Variants in CDH6 observed in about 807,000 individuals in gnomAD.
CDH6 encodes the protein cadherin-6.
CDH6 carries 31 observed loss-of-function variants against 78.0 expected under a neutral mutation model. That is an observed-to-expected ratio of 0.40 (90% CI 0.30 to 0.54). CDH6 has a LOEUF of 0.54. Among genes scored for constraint, CDH6 ranks in the 20% least tolerant of loss-of-function variants. The pLI, the probability that CDH6 is intolerant of heterozygous loss-of-function variation, is 0.56. For missense variants in CDH6, 724 were observed against 975.9 expected, an observed-to-expected ratio of 0.74 and a Z score of 3.44; for synonymous variants, 376 against 368.8, an observed-to-expected ratio of 1.02 and a Z score of -0.23.
chr5:31,196,818 A>G (rs890652888), intron 1 of CDH6, among the ~76,000 whole-genome samples: 2 of 152,212 alleles, frequency 1.3e-5, no homozygotes, highest in African/African-American at 4.8e-5. Flanking sequence ...CAATTAATAA[A>G]GAATTTACCA....
chr5:31,287,951 A>G (rs1046055114), intron 2 of CDH6, among the ~76,000 whole-genome samples: 1 of 152,170 alleles, frequency 6.6e-6, no homozygotes. Context: ...TTCCTCTTTC[A>G]CATTACAGGC....
intron 2 of CDH6, among the ~76,000 whole-genome samples, chr5:31,268,651 A>G (rs1283403548): frequency 1.3e-5 from 2 of 152,332 alleles, no homozygotes; most frequent in South Asian, 2.1e-4. Flanking sequence ...AAAAAGATAC[A>G]TGAGAAAATG....
At chr5:31,213,433 A>G (rs1740773168) in intron 1 of CDH6, among the ~76,000 whole-genome samples, 1 of 152,142 alleles carries the variant, frequency 6.6e-6, no homozygotes, top group South Asian at 2.1e-4. Context: ...GGTGCTCCTT[A>G]GCTGTTGGGT....
chr5:31,288,156 T>C (rs951322100), intron 2 of CDH6, among the ~76,000 whole-genome samples: 1 of 152,128 alleles, frequency 6.6e-6, no homozygotes, highest in African/African-American at 2.4e-5. Flanking sequence ...GTTGCACCCT[T>C]TACATTCACA....
intron 1 of CDH6, among the ~76,000 whole-genome samples, chr5:31,206,913 T>C (rs1037603508): frequency 2.0e-5 from 3 of 152,094 alleles, no homozygotes; most frequent in Non-Finnish European, 4.4e-5. Flanking sequence ...CTTAACATGG[T>C]TTTATATTTT....
chr5:31,204,025 C>A (rs1463582681), intron 1 of CDH6, among the ~76,000 whole-genome samples: 1 of 152,150 alleles, frequency 6.6e-6, no homozygotes, highest in Middle Eastern at 3.2e-3. Flanking sequence ...CCTCCAGATA[C>A]AAAAAGTGCC....
chr5:31,293,955 A>G lies in CDH6; in HGVS notation c.229-7A>G, dbSNP rs1163640054. Reference sequence around the variant, plus strand: ...TTACTTTCTTTAATTTTTTTTTTCTACACTAGTTACATTCAGACCAGGATA... The same window carrying G: ...TTACTTTCTTTAATTTTTTTTTTCTGCACTAGTTACATTCAGACCAGGATA... On this transcript the variant is annotated splice_region_variant and splice_polypyrimidine_tract_variant and intron_variant, in intron 2 of 11. Transcript: ENST00000265071. The G allele has an allele frequency of 6.5e-7, 1 of 1,549,050 alleles. No individual in the cohort carries two copies. Among genetic ancestry groups the G allele is most frequent in the Non-Finnish European group, 8.7e-7 (1 of 1,146,280 alleles).
intron 4 of CDH6, among the ~76,000 whole-genome samples, chr5:31,298,869 C>T (rs1737677922): frequency 6.6e-6 from 1 of 152,102 alleles, no homozygotes; most frequent in South Asian, 2.1e-4. Context: ...TTCCAAAATT[C>T]TCTAGAATCA....
chr5:31,229,062 C>T (rs746524908), intron 1 of CDH6, among the ~76,000 whole-genome samples: 3 of 152,178 alleles, frequency 2.0e-5, no homozygotes, highest in Admixed American at 6.5e-5. Context: ...TCTAATTACC[C>T]GTCATACTAA....
chr5:31,239,720 A>C (rs1741546408), intron 1 of CDH6, among the ~76,000 whole-genome samples: 1 of 152,190 alleles, frequency 6.6e-6, no homozygotes, highest in Non-Finnish European at 1.5e-5. Context: ...AAAGTGAAGA[A>C]TCTGACAAGG....
chr5:31,291,176 A>G (rs1248419495), intron 2 of CDH6, among the ~76,000 whole-genome samples: 1 of 152,168 alleles, frequency 6.6e-6, no homozygotes, highest in Admixed American at 6.5e-5. Context: ...ATATGTAAAG[A>G]TAGCAATTGC....
intron 2 of CDH6, among the ~76,000 whole-genome samples, chr5:31,277,168 A>G (rs1742722812): frequency 6.6e-6 from 1 of 152,230 alleles, no homozygotes; most frequent in Admixed American, 6.5e-5. Context: ...CTATAAGAAA[A>G]ATAATATGCA....
chr5:31,273,647 G>A (rs1300193506), intron 2 of CDH6, among the ~76,000 whole-genome samples: 1 of 152,064 alleles, frequency 6.6e-6, no homozygotes, highest in Admixed American at 6.5e-5. Flanking sequence ...AAAAAAACCC[G>A]GAACATGCGT....
chr5:31,329,102 C>T lies in CDH6; in HGVS notation c.*5794C>T, dbSNP rs974235497. ...GCCTTTTGCAAATCAATTTTTGTAA[C>T]AAGTTATTTATATGATATTACTTAA... On this transcript the variant is annotated 3_prime_UTR_variant, in exon 12 of 12. Coordinates refer to ENST00000265071, the MANE Select transcript of CDH6 (RefSeq NM_004932.4). The T allele has an allele frequency of 2.0e-5, 4 of 196,162 alleles. No homozygotes were observed. Among genetic ancestry groups the T allele is most frequent in the Admixed American group, 6.1e-5 (1 of 16,450 alleles). 12.2% of individuals were successfully genotyped at this position (196,162 alleles called of 1,614,324 possible).
chr5:31,282,994 A>AGGATGGAT (rs546068730), intron 2 of CDH6, among the ~76,000 whole-genome samples: 1 of 152,066 alleles, frequency 6.6e-6, no homozygotes, highest in Non-Finnish European at 1.5e-5. Flanking sequence ...GAAAGATGGA[A>AGGATGGAT]GGATGGATGG....
chr5:31,212,609 G>T (rs1740738568), intron 1 of CDH6, among the ~76,000 whole-genome samples: 1 of 152,178 alleles, frequency 6.6e-6, no homozygotes, highest in Non-Finnish European at 1.5e-5. Context: ...GTAAGAATGG[G>T]AGATGTAAAA....
Position 31,327,453 on chromosome 5 carries a change from T to C in CDH6, c.*4145T>C, listed in dbSNP as rs1047312543. The C allele has an allele frequency of 5.2e-6, 1 of 191,788 alleles. No homozygotes were observed. Among genetic ancestry groups the C allele is most frequent in the Non-Finnish European group, 1.1e-5 (1 of 91,778 alleles). The allele number at this position is 191,788 out of a possible 1,614,324, so 11.9% of individuals were successfully genotyped here. A position where few individuals can be genotyped will look rare whatever the true frequency, so the allele number is the denominator to read the frequency against. On this transcript the variant is annotated 3_prime_UTR_variant, in exon 12 of 12. Transcript: ENST00000265071. Reference sequence around the variant, plus strand: ...TCTAACAAGGATCATTATAGTGTAATCTTAATTTTTATGTTTTATCAAGAT... The same window carrying C: ...TCTAACAAGGATCATTATAGTGTAACCTTAATTTTTATGTTTTATCAAGAT...
At chr5:31,239,085 T>G (rs1392601076) in intron 1 of CDH6, among the ~76,000 whole-genome samples, 1 of 152,214 alleles carries the variant, frequency 6.6e-6, no homozygotes, top group Admixed American at 6.5e-5. Context: ...GGCTGTGTGG[T>G]TCCGGAAATC....
chr5:31,232,973 G>T (rs9292425), intron 1 of CDH6, among the ~76,000 whole-genome samples: 5,218 of 152,152 alleles, frequency 0.034, 290 homozygotes, highest in African/African-American at 0.12. Context: ...CCTTTCAAAG[G>T]TTGCAGAGCT....
Sources: allele counts gnomAD v4.1 joint callset (sites outside exome capture counted in the v4.1 genomes callset), GRCh38; gene constraint gnomAD v4.1.1; transcripts MANE v1.5; gene names NCBI Gene and HGNC (gene_info 2026-07-23, HGNC 2026-07-21).